The following ASIC1 variants were observed in gnomAD, a reference collection of about 807,000 sequenced individuals.
ASIC1 encodes the protein acid sensing ion channel subunit 1.
ASIC1 carries 21 observed loss-of-function variants against 63.4 expected under a neutral mutation model. The ratio of observed to expected loss-of-function variants is 0.33; its 90% CI spans 0.23 to 0.48. ASIC1 has a LOEUF of 0.48. Among genes scored for constraint, ASIC1 ranks in the 20% least tolerant of loss-of-function variants. The pLI, the probability that ASIC1 is intolerant of heterozygous loss-of-function variation, is 0.99. For synonymous variants in ASIC1, 258 were observed against 278.2 expected (o/e 0.93, Z 0.72); for missense variants, 478 against 695.5 (o/e 0.69, Z 3.52).
rs545032131 is a variant in ASIC1 at position 50,073,445 on chromosome 12, G to A, written c.559-3768G>A. The A allele has an allele frequency of 2.8e-5, 39 of 1,413,526 alleles. No individual in the cohort carries two copies. In the African/African-American group the frequency reaches 3.5e-4, roughly 13 times the overall value. The allele number at this position is 1,413,526 out of a possible 1,614,324, so 87.6% of individuals were successfully genotyped here. A position where few individuals can be genotyped will look rare whatever the true frequency, so the allele number is the denominator to read the frequency against. The stretch of plus-strand genomic sequence containing the variant: ...CACAGAGGCCCTGGTGAGGAAGGAC[G>A]GCCAGCTGGGCTGAGATACCTGGCT... On this transcript the variant is annotated intron_variant, in intron 3 of 11. Coordinates refer to ENST00000447966, the MANE Select transcript of ASIC1 (RefSeq NM_001095.4).
At chr12:50,080,272 G>A in intron 8 of ASIC1, 1 of 774,856 alleles carries the variant, frequency 1.3e-6, no homozygotes, top group Non-Finnish European at 2.0e-6. Flanking sequence ...CATCCTCATT[G>A]TTGTAACCGG....
At chr12:50,073,479 G>A in intron 3 of ASIC1, 2 of 1,429,028 alleles carry the variant, frequency 1.4e-6, no homozygotes, top group Admixed American at 2.8e-5. Flanking sequence ...CTGACGGGCT[G>A]GGTGGCTGGC....
At position 50,078,861 on chromosome 12, in the gene ASIC1, A is replaced by G. The variant is rs866773194; in HGVS notation, c.995-63A>G. ...AGCTTACACCTTCTAGGCCTTTGGT[A>G]CTACCACCATCACCAGACCCCTTGA... On this transcript the variant is annotated intron_variant, in intron 6 of 11. Coordinates refer to ENST00000447966, the MANE Select transcript of ASIC1 (RefSeq NM_001095.4). This position sits in a 1 kb window ranked among gnomAD's most constrained non-coding sequence, Gnocchi z 6.0. 21 of 1,556,662 alleles carry G rather than the reference A, an allele frequency of 1.3e-5. No homozygotes were observed. The highest frequency in any genetic ancestry group is 1.7e-4 in the Middle Eastern group (1 of 5,982).
At chr12:50,060,831 T>C (rs1201795509) in intron 3 of ASIC1, among the ~76,000 whole-genome samples, 1 of 152,218 alleles carries the variant, frequency 6.6e-6, no homozygotes, top group Non-Finnish European at 1.5e-5. Flanking sequence ...TCCAGAGCCA[T>C]GCAGGAACAA....
At chr12:50,079,338 G>A (rs1358808793) in intron 7 of ASIC1, among the ~76,000 whole-genome samples, 4 of 152,106 alleles carry the variant, frequency 2.6e-5, no homozygotes, top group Non-Finnish European at 4.4e-5. Context: ...TCCTTGAACC[G>A]GGGAGGTGAG....
At chr12:50,062,625 G>A (rs778531359) in intron 3 of ASIC1, among the ~76,000 whole-genome samples, 1 of 152,338 alleles carries the variant, frequency 6.6e-6, no homozygotes, top group East Asian at 1.9e-4. Context: ...ATAGCGTGCG[G>A]GGGCACGTGT....
At chr12:50,070,795 T>A (rs1950592096) in intron 3 of ASIC1, 1 of 152,366 alleles carries the variant, frequency 6.6e-6, no homozygotes, top group South Asian at 2.1e-4. Context: ...AGGAGGCCCC[T>A]GCCCTCTGAG....
At chr12:50,064,696 C>G (rs1950530565) in intron 3 of ASIC1, among the ~76,000 whole-genome samples, 1 of 152,214 alleles carries the variant, frequency 6.6e-6, no homozygotes, top group South Asian at 2.1e-4. Flanking sequence ...GGCAGAAGGG[C>G]AGGCCCACAG....
chr12:50,067,548 A>G lies in ASIC1; in HGVS notation c.558+7594A>G, dbSNP rs1314832689. On this transcript the variant is annotated intron_variant, in intron 3 of 11. Transcript: ENST00000447966. ...CCTCAGCCTCCTGAGTAGCTGGATTACAGATGCGTGCCACCATGCGCGGCT... is the reference window on the plus strand; with the variant it reads ...CCTCAGCCTCCTGAGTAGCTGGATTGCAGATGCGTGCCACCATGCGCGGCT... Among the ~76,000 whole-genome samples, 10 of 151,898 alleles carry G rather than the reference A, an allele frequency of 6.6e-5. No individual in the cohort carries two copies. In the East Asian group the frequency reaches 1.7e-3, roughly 26 times the overall value.
chr12:50,074,334 T>G lies in ASIC1; in HGVS notation c.559-2879T>G. 7.1e-7 allele frequency: 1 copy of G among 1,409,472 alleles called. No homozygotes were observed. 87.3% of individuals were successfully genotyped at this position (1,409,472 alleles called of 1,614,324 possible). A position where few individuals can be genotyped will look rare whatever the true frequency, so the allele number is the denominator to read the frequency against. ...CACCTCCTGGGGTTGGGGCTGGGGC[T>G]GGGGCTGGGGCTGATGACTGTGCTG... On this transcript the variant is annotated intron_variant, in intron 3 of 11. Coordinates refer to ENST00000447966, the MANE Select transcript of ASIC1 (RefSeq NM_001095.4). The surrounding 1 kb of genome is among the most constrained non-coding windows in gnomAD (Gnocchi z 4.2).
Position 50,078,828 on chromosome 12 carries a change from C to A in ASIC1, c.995-96C>A. 1.4e-6 allele frequency: 2 copies of A among 1,457,518 alleles called. No homozygotes were observed. Among genetic ancestry groups the A allele is most frequent in the Non-Finnish European group, 1.9e-6 (2 of 1,039,298 alleles). The allele number at this position is 1,457,518 out of a possible 1,614,324, so 90.3% of individuals were successfully genotyped here. A position where few individuals can be genotyped will look rare whatever the true frequency, so the allele number is the denominator to read the frequency against. Reference sequence around the variant, plus strand: ...GGGCCTGCCAGTCCTCCCTTCCCATCTTCTCCCAGCTTACACCTTCTAGGC... The same window carrying A: ...GGGCCTGCCAGTCCTCCCTTCCCATATTCTCCCAGCTTACACCTTCTAGGC... On this transcript the variant is annotated intron_variant, in intron 6 of 11. Coordinates refer to ENST00000447966, the MANE Select transcript of ASIC1 (RefSeq NM_001095.4). The surrounding 1 kb of genome is among the most constrained non-coding windows in gnomAD (Gnocchi z 6.0).
chr12:50,078,661 C>T lies in ASIC1; in HGVS notation c.994+84C>T. On this transcript the variant is annotated intron_variant, in intron 6 of 11. Transcript: ENST00000447966. This position sits in a 1 kb window ranked among gnomAD's most constrained non-coding sequence, Gnocchi z 6.0. Reference sequence around the variant, plus strand: ...TAGCTCCCCATCCATATCAATCTCCCAACCCCAGTTCCAGCCCACCCCATC... The same window carrying T: ...TAGCTCCCCATCCATATCAATCTCCTAACCCCAGTTCCAGCCCACCCCATC... 6.3e-7 allele frequency: 1 copy of T among 1,575,378 alleles called. No homozygotes were observed. Among genetic ancestry groups the T allele is most frequent in the East Asian group, 2.2e-5 (1 of 44,586 alleles).
chr12:50,073,905 A>G, intron 3 of ASIC1: 1 of 1,535,158 alleles, frequency 6.5e-7, no homozygotes, highest in Non-Finnish European at 8.7e-7. Flanking sequence ...TGTGCCAGGT[A>G]GGGGACCGCG....
chr12:50,060,791 C>A (rs1266406805), intron 3 of ASIC1, among the ~76,000 whole-genome samples: 1 of 152,212 alleles, frequency 6.6e-6, no homozygotes, highest in South Asian at 2.1e-4. Context: ...GGGTTAAGAC[C>A]TGGACCCAGA....
At chr12:50,080,132 G>A (rs182667019) in intron 8 of ASIC1, 77 bp downstream of exon 8, 2 of 1,525,776 alleles carry the variant, frequency 1.3e-6, no homozygotes, top group Non-Finnish European at 1.8e-6. Flanking sequence ...GATGGGGGCG[G>A]GGGCTGGCAG....
Position 50,081,640 on chromosome 12 carries a change from T to C in ASIC1, c.1578T>C (p.Phe526=). The C allele has an allele frequency of 6.2e-7, 1 of 1,613,982 alleles. No homozygotes were observed. The highest frequency in any genetic ancestry group is 8.5e-7 in the Non-Finnish European group (1 of 1,179,980). Residue 526 remains phenylalanine, a synonymous_variant, in exon 12 of 12, where the codon TTT becomes TTC. Transcript: ENST00000447966. ...HHPARGTFED[F]TC ...CGGCCCGAGGCACGTTCGAGGACTTTACCTGCTGAGCCCCGCAGGCCGCTG... is the reference window on the plus strand; with the variant it reads ...CGGCCCGAGGCACGTTCGAGGACTTCACCTGCTGAGCCCCGCAGGCCGCTG...
At position 50,058,822 on chromosome 12, in the gene ASIC1, A is replaced by C. The variant is rs997848433; in HGVS notation, c.56A>C (p.Gln19Pro). 33 of 1,607,004 alleles carry C rather than the reference A, an allele frequency of 2.1e-5. No individual in the cohort carries two copies. The highest frequency in any genetic ancestry group is 2.6e-5 in the Non-Finnish European group (30 of 1,174,546). Residue 19 changes from glutamine to proline, a missense_variant, in exon 2 of 12, where the codon CAG becomes CCG. Physicochemically the swap from Gln to Pro is moderately conservative, Grantham distance 76. Transcript: ENST00000447966. The stretch of plus-strand genomic sequence containing the variant: ...GGTGGCGTCCAGCCGGTGAGCATCC[A>C]GGCCTTCGCCAGCAGCTCCACACTG... The part of the protein sequence containing the change: ...EVGGVQPVSI[Q>P]AFASSSTLHG...
intron 3 of ASIC1, among the ~76,000 whole-genome samples, chr12:50,072,445 G>T (rs1205626153): frequency 6.6e-6 from 1 of 152,192 alleles, no homozygotes; most frequent in Non-Finnish European, 1.5e-5. Context: ...GGGCCTGGGG[G>T]CAGGGAATGG....
At chr12:50,075,693 G>C (rs752004576) in intron 3 of ASIC1, among the ~76,000 whole-genome samples, 18 of 152,178 alleles carry the variant, frequency 1.2e-4, no homozygotes, top group Admixed American at 2.0e-4. Flanking sequence ...TACTGCCATT[G>C]CTGCTCCAGT....
Sources: allele counts gnomAD v4.1 joint callset (sites outside exome capture counted in the v4.1 genomes callset), GRCh38; gene constraint gnomAD v4.1.1; non-coding constraint Gnocchi (gnomAD v3.1); transcripts MANE v1.5; gene names NCBI Gene and HGNC (gene_info 2026-07-23, HGNC 2026-07-21).